The following CFAP99 variants were observed in gnomAD, a reference collection of about 807,000 sequenced individuals.
CFAP99 encodes the protein cilia- and flagella-associated protein 99.
A neutral mutation model predicts 82.7 loss-of-function variants in CFAP99; 84 were observed. The ratio of observed to expected loss-of-function variants is 1.02; its 90% confidence interval spans 0.85 to 1.22. The LOEUF is 1.22. Ranked by LOEUF, CFAP99 falls within the 50% of genes most tolerant of loss-of-function variation. The probability of loss-of-function intolerance (pLI) is 0.00; values close to 1 mark genes in which losing one functional copy is unlikely to be tolerated. For synonymous variants in CFAP99, 456 were observed against 429.5 expected (o/e 1.06, Z -0.76); for missense variants, 1,059 against 983.5 (o/e 1.08, Z -1.03).
intron 6 of CFAP99, among the ~76,000 whole-genome samples, chr4:2,447,092 GTGGA>G (rs1193279805): frequency 3.2e-4 from 48 of 150,646 alleles, no homozygotes; most frequent in African/African-American, 1.1e-3. Context: ...GGATGGGTGG[GTGGA>G]TGGATGGATG....
At chr4:2,437,633 A>G (rs1389920160) in intron 3 of CFAP99, among the ~76,000 whole-genome samples, 1 of 150,940 alleles carries the variant, frequency 6.6e-6, no homozygotes, top group Non-Finnish European at 1.5e-5. Flanking sequence ...TCCTGTCCCG[A>G]CCCCTTGCCA....
chr4:2,436,879 G>A (rs1284196582), exon 3 of CFAP99: 1 of 1,535,834 alleles, frequency 6.5e-7, no homozygotes, highest in Non-Finnish European at 8.7e-7. Flanking sequence ...TCCAGGCTCT[G>A]AGCCCCCAGA....
At chr4:2,458,981 G>T in intron 12 of CFAP99, 117 bp downstream of exon 12, 1 of 1,447,924 alleles carries the variant, frequency 6.9e-7, no homozygotes. Flanking sequence ...CCCCTTGAGG[G>T]AGGCACTCCC....
At chr4:2,435,298 GAAA>G (rs397778115) in intron 2 of CFAP99, among the ~76,000 whole-genome samples, 1 of 55,308 alleles carries the variant, frequency 1.8e-5, no homozygotes, top group Non-Finnish European at 4.5e-5. Flanking sequence ...CTCCATCTCA[GAAA>G]AAAAAAAAAA....
At chr4:2,426,876 G>A (rs1733696025) in intron 2 of CFAP99, 1 of 368,932 alleles carries the variant, frequency 2.7e-6, no homozygotes, top group Non-Finnish European at 5.1e-6. Context: ...CAGCCCTGGA[G>A]CGCCCCCATG....
chr4:2,449,954 C>T (rs1442460539), exon 8 of CFAP99: 2 of 1,536,064 alleles, frequency 1.3e-6, no homozygotes, highest in Non-Finnish European at 1.7e-6. Context: ...TGAGGGCAAA[C>T]ATCGAGGAAC....
rs1307960364 is a variant in CFAP99 at position 2,460,085 on chromosome 4, G to T, written c.1504G>T (p.Glu502Ter). ...AGAGATGTCCATAGTGGAGCTGCGA[G>T]AGCGGCTGGCCCTGCTCAAAGAGAA... The change falls in exon 14 of 15, where the codon GAG becomes TAG. Residue 502 changes from glutamate (E) to a stop codon, truncating the protein, a stop_gained. Coordinates refer to ENST00000635017, the Ensembl canonical transcript of CFAP99. LOFTEE classifies it high-confidence loss of function. 3.9e-6 allele frequency: 6 copies of T among 1,536,084 alleles called. No homozygotes were observed. The highest frequency in any genetic ancestry group is 5.2e-6 in the Non-Finnish European group (6 of 1,146,912).
rs745471761 is a variant in CFAP99 at position 2,459,230 on chromosome 4, G to A, written c.1427G>A (p.Arg476His). 1.2e-5 allele frequency: 19 copies of A among 1,535,156 alleles called. No individual in the cohort carries two copies. The African/African-American group carries it at 1.4e-4, about 11-fold the overall frequency. Residue 476 changes from arginine to histidine, a missense_variant, in exon 13 of 15, where the codon CGC (arginine) becomes CAC (histidine). Physicochemically the swap from Arg to His is conservative, Grantham distance 29. Transcript: ENST00000635017. ...CGCGCACTCGAGACACAGCCCACGCGCAAGGGCAAGCTCGTGGACCTGACC... is the reference window on the plus strand; with the variant it reads ...CGCGCACTCGAGACACAGCCCACGCACAAGGGCAAGCTCGTGGACCTGACC...
intron 10 of CFAP99, 105 bp downstream of exon 10, chr4:2,451,457 C>CG: frequency 9.5e-7 from 1 of 1,052,352 alleles, no homozygotes; most frequent in Non-Finnish European, 1.4e-6. Context: ...GAGAGGGACT[C>CG]GGGGGTCACA....
rs1734506516 is a variant in CFAP99, at chr4:2,459,014, G to T, written c.1304-93G>T. On this transcript the variant is annotated intron_variant, in intron 12 of 14. Transcript: ENST00000635017. ...CCCAGGTGGCCGCACTGAGGCCAGA[G>T]TCCTGGCTGGGGAACCCTGGGGGAG... The T allele has an allele frequency of 2.1e-5, 31 of 1,448,388 alleles. No individual in the cohort carries two copies. The South Asian group carries it at 4.3e-4, about 20-fold the overall frequency. The allele number at this position is 1,448,388 out of a possible 1,614,324, so 89.7% of individuals were successfully genotyped here. A position where few individuals can be genotyped will look rare whatever the true frequency, so the allele number is the denominator to read the frequency against.
rs760591198 is a variant in CFAP99 at position 2,451,354 on chromosome 4, T to A, written c.956+2T>A. 2.0e-6 allele frequency: 3 copies of A among 1,534,744 alleles called. No homozygotes were observed. The highest frequency in any genetic ancestry group is 1.7e-6 in the Non-Finnish European group (2 of 1,146,536). ...GCAGGTGGAGCAGGAGCTGCAGAGG[T>A]GAAGGGCGGCAGGCCCCCCCACCTG... is the stretch of plus-strand genomic sequence containing the variant. On this transcript the variant is annotated splice_donor_variant, in intron 10 of 14. Coordinates refer to ENST00000635017, the Ensembl canonical transcript of CFAP99. LOFTEE classifies it high-confidence loss of function.
At chr4:2,421,181 G>C (rs13125468) in intron 1 of CFAP99, among the ~76,000 whole-genome samples, 25,478 of 152,158 alleles carry the variant, frequency 0.17, 2,381 homozygotes, top group African/African-American at 0.25. Flanking sequence ...CGGGAGAAAA[G>C]ACTATATTTT....
intron 11 of CFAP99, among the ~76,000 whole-genome samples, chr4:2,453,391 G>C (rs11735838): frequency 0.2 from 30,341 of 152,112 alleles, 3,146 homozygotes; most frequent in South Asian, 0.26. Flanking sequence ...TCACACCAAA[G>C]AGTAACTGGA....
At chr4:2,444,067 C>T (rs1489507870) in intron 5 of CFAP99, among the ~76,000 whole-genome samples, 1 of 152,168 alleles carries the variant, frequency 6.6e-6, no homozygotes, top group Non-Finnish European at 1.5e-5. Flanking sequence ...GGAAGCCGTT[C>T]CTGTGGGGAG....
intron 8 of CFAP99, 150 bp from the exon 9 acceptor site, chr4:2,450,797 C>A (rs978814545): frequency 3.1e-5 from 20 of 651,356 alleles, no homozygotes; most frequent in African/African-American, 5.4e-5. Context: ...CCTGACCTGG[C>A]GTGGTGGTAG....
chr4:2,438,174 C>G lies in CFAP99; in HGVS notation c.351+10C>G. ...GGATAAGATGTGCAAGGTGAGCCAC[C>G]CCTACCTGCCCACCAGGCCACGAGG... On this transcript the variant is annotated intron_variant, in intron 4 of 14. Coordinates refer to ENST00000635017, the Ensembl canonical transcript of CFAP99. 1 of 1,498,788 alleles carries G rather than the reference C, an allele frequency of 6.7e-7. No homozygotes were observed. The highest frequency in any genetic ancestry group is 9.0e-7 in the Non-Finnish European group (1 of 1,113,278). The allele number at this position is 1,498,788 out of a possible 1,614,324, so 92.8% of individuals were successfully genotyped here. A position where few individuals can be genotyped will look rare whatever the true frequency, so the allele number is the denominator to read the frequency against.
At chr4:2,445,096 T>G in intron 5 of CFAP99, 35 bp from the exon 6 acceptor site, 1 of 1,294,638 alleles carries the variant, frequency 7.7e-7, no homozygotes, top group Non-Finnish European at 9.8e-7. Flanking sequence ...GCTTAGGGAG[T>G]GACCATAAGA....
chr4:2,450,131 C>A (rs947368513), intron 8 of CFAP99, 126 bp downstream of exon 8: 2 of 968,842 alleles, frequency 2.1e-6, no homozygotes, highest in Non-Finnish European at 3.1e-6. Context: ...CGGGGAGGGG[C>A]GGATTCCCAG....
intron 2 of CFAP99, among the ~76,000 whole-genome samples, chr4:2,434,666 G>T (rs560095371): frequency 8.5e-5 from 13 of 152,326 alleles, no homozygotes; most frequent in African/African-American, 3.1e-4. Flanking sequence ...CGAGCAGAAG[G>T]CTCTGGGAAG....
Sources: gnomAD v4.1 joint callset for allele counts (sites outside exome capture counted in the v4.1 genomes callset) on GRCh38, gnomAD v4.1.1 for gene constraint, MANE v1.5 for transcripts, NCBI Gene and HGNC (gene_info 2026-07-23, HGNC 2026-07-21) for gene names.